Variants in TRMT13 observed in about 807,000 individuals in gnomAD.
The protein encoded by TRMT13 is tRNA methyltransferase 13.
A neutral mutation model predicts 55.9 loss-of-function variants in TRMT13; 45 were observed. The ratio of observed to expected loss-of-function variants is 0.80; its 90% CI spans 0.63 to 1.03. TRMT13 has a LOEUF of 1.03. TRMT13 is among the 50% of genes least tolerant of loss of function. The probability of loss-of-function intolerance (pLI) is 0.00; values close to 1 mark genes in which losing one functional copy is unlikely to be tolerated. For missense variants in TRMT13, 513 were observed against 563.9 expected (o/e 0.91, Z 0.91); for synonymous variants, 183 against 196.3 (o/e 0.93, Z 0.57).
intron 1 of TRMT13, 111 bp from the exon 2 acceptor site, chr1:100,136,770 TA>T: frequency 9.6e-7 from 1 of 1,037,742 alleles, no homozygotes; most frequent in South Asian, 1.8e-5. Flanking sequence ...TATGTCCTTG[TA>T]AGGTTTCCTT....
Position 100,149,468 on chromosome 1 carries a change from A to C in TRMT13, c.*648A>C, listed in dbSNP as rs1657734692. Reference sequence around the variant, plus strand: ...CAAAGAAAAAAGATTATTTCACTTAATTATTTTGTTGGATAATTGTCTAGT... The same window carrying C: ...CAAAGAAAAAAGATTATTTCACTTACTTATTTTGTTGGATAATTGTCTAGT... On this transcript the variant is annotated 3_prime_UTR_variant, in exon 11 of 11. Coordinates refer to ENST00000370141, the MANE Select transcript of TRMT13 (RefSeq NM_019083.3). 1 of 1,526,248 alleles carries C rather than the reference A, an allele frequency of 6.6e-7. No homozygotes were observed. Among genetic ancestry groups the C allele is most frequent in the Non-Finnish European group, 8.8e-7 (1 of 1,136,764 alleles). The allele number at this position is 1,526,248 out of a possible 1,614,324, so 94.5% of individuals were successfully genotyped here.
At position 100,148,637 on chromosome 1, in the gene TRMT13, T is replaced by G; in HGVS notation, c.1263T>G (p.Val421=). Residue 421 remains valine, a synonymous_variant, in exon 11 of 11, where the codon GTT becomes GTG. Coordinates refer to ENST00000370141, the MANE Select transcript of TRMT13 (RefSeq NM_019083.3). ...GADCLPGLLS[V]EEKKKIGHLC... The stretch of plus-strand genomic sequence containing the variant: ...TTATTCAATTTAGGCTTCTTAGTGT[T>G]GAAGAAAAGAAGAAAATAGGGCATC... 1 of 1,607,646 alleles carries G rather than the reference T, an allele frequency of 6.2e-7. No homozygotes were observed. The highest frequency in any genetic ancestry group is 8.5e-7 in the Non-Finnish European group (1 of 1,178,464).
Position 100,148,722 on chromosome 1 carries a change from C to T in TRMT13, c.1348C>T (p.Pro450Ser). The T allele has an allele frequency of 6.2e-7, 1 of 1,611,666 alleles. No individual in the cohort carries two copies. The highest frequency in any genetic ancestry group is 8.5e-7 in the Non-Finnish European group (1 of 1,178,260). Residue 450 changes from proline to serine, a missense_variant, in exon 11 of 11, where the codon CCT becomes TCT. Around this residue, in one of 3 missense-constraint regions of TRMT13, gnomAD observed 209 missense variants for 255.8 expected, o/e 0.82. Coordinates refer to ENST00000370141, the MANE Select transcript of TRMT13 (RefSeq NM_019083.3). ...GTATTTGCAGCAGAAGGGATTCAGT[C>T]CTGCTTTGCAGTACTATACAGACCC... The part of the protein sequence containing the change: ...IQYLQQKGFS[P>S]ALQYYTDPLV...
chr1:100,140,165 T>G lies in TRMT13; in HGVS notation c.325-17T>G, dbSNP rs761989673. The stretch of plus-strand genomic sequence containing the variant: ...GCAATTTTTGGCTACATTATTTAGT[T>G]TTATTTTTGTATATAGGTTCCAATT... On this transcript the variant is annotated splice_polypyrimidine_tract_variant and intron_variant, in intron 4 of 10. Coordinates refer to ENST00000370141, the MANE Select transcript of TRMT13 (RefSeq NM_019083.3). The G allele has an allele frequency of 5.1e-6, 8 of 1,581,482 alleles. No homozygotes were observed. In the Admixed American group the frequency reaches 1.4e-4, roughly 28 times the overall value.
At chr1:100,146,171 C>G (rs1172843810) in intron 9 of TRMT13, among the ~76,000 whole-genome samples, 1 of 152,208 alleles carries the variant, frequency 6.6e-6, no homozygotes, top group Non-Finnish European at 1.5e-5. Flanking sequence ...TCAGTTGTCA[C>G]CACTCTCAGG....
intron 10 of TRMT13, 93 bp downstream of exon 10, chr1:100,148,419 GTATTT>G: frequency 3.1e-6 from 4 of 1,307,544 alleles, no homozygotes; most frequent in Non-Finnish European, 4.2e-6. Context: ...TCATGAAAAT[GTATTT>G]TATAATCTAA....
chr1:100,143,123 T>A lies in TRMT13; in HGVS notation c.670-14T>A. The A allele has an allele frequency of 6.3e-7, 1 of 1,582,178 alleles. No individual in the cohort carries two copies. Among genetic ancestry groups the A allele is most frequent in the East Asian group, 2.2e-5 (1 of 44,574 alleles). ...GTAAGAAGTGATTATTACAATAATG[T>A]TCTGTTTGTGCAGGTGGATGGAAAA... On this transcript the variant is annotated splice_polypyrimidine_tract_variant and intron_variant, in intron 7 of 10. Transcript: ENST00000370141.
chr1:100,144,947 C>T (rs905664024), intron 9 of TRMT13, among the ~76,000 whole-genome samples: 2 of 152,174 alleles, frequency 1.3e-5, no homozygotes, highest in African/African-American at 4.8e-5. Context: ...TGTTGGCCTT[C>T]ATAGTTTTTA....
chr1:100,138,562 A>G (rs1482004680), intron 3 of TRMT13, among the ~76,000 whole-genome samples: 1 of 152,218 alleles, frequency 6.6e-6, no homozygotes, highest in African/African-American at 2.4e-5. Flanking sequence ...CATTCTGTCC[A>G]TATAGGTAAA....
chr1:100,140,131 T>A, intron 4 of TRMT13, 51 bp from the exon 5 acceptor site: 1 of 1,316,582 alleles, frequency 7.6e-7, no homozygotes, highest in Non-Finnish European at 1.1e-6. Flanking sequence ...TCTGTTATGC[T>A]ACTTTAAAGC....
chr1:100,137,211 A>T (rs1350226465), intron 3 of TRMT13, 126 bp downstream of exon 3: 48 of 748,842 alleles, frequency 6.4e-5, no homozygotes, highest in Non-Finnish European at 7.8e-5. Flanking sequence ...ATTTTTTTTT[A>T]AAGAGATAGG....
chr1:100,139,620 A>G (rs769314729), intron 3 of TRMT13, 29 bp from the exon 4 acceptor site: 1 of 1,365,340 alleles, frequency 7.3e-7, no homozygotes, highest in Non-Finnish European at 1.0e-6. Context: ...CATTATTAAC[A>G]GTTCTTTTAT....
intron 4 of TRMT13, 112 bp from the exon 5 acceptor site, chr1:100,140,070 A>G: frequency 5.9e-6 from 4 of 675,602 alleles, no homozygotes; most frequent in Non-Finnish European, 7.6e-6. Flanking sequence ...GATAGAGAGA[A>G]GAGCCTAAGC....
At position 100,144,131 on chromosome 1, in the gene TRMT13, G is replaced by C. The variant is rs774204008; in HGVS notation, c.805G>C (p.Gly269Arg). The change falls in exon 9 of 11, where the codon GGT becomes CGT. Residue 269 changes from glycine to arginine, a missense_variant. Physicochemically the swap from Gly to Arg is moderately radical, Grantham distance 125. Transcript: ENST00000370141. ...GGTAGGAATTGGAAAGCATCTGTGT[G>C]GTATGGCAACAGGTACGTAAACATA... ...PVVGIGKHLC[G>R]MATDLALRCL... 4 of 1,613,170 alleles carry C rather than the reference G, an allele frequency of 2.5e-6. No homozygotes were observed. The highest frequency in any genetic ancestry group is 3.4e-6 in the Non-Finnish European group (4 of 1,179,416).
rs146877147 is a variant in TRMT13 at position 100,140,945 on chromosome 1, T to G, written c.595T>G (p.Trp199Gly). The change falls in exon 7 of 11, where the codon TGG becomes GGG. Residue 199 changes from tryptophan (W) to glycine (G), a missense_variant. Coordinates refer to ENST00000370141, the MANE Select transcript of TRMT13 (RefSeq NM_019083.3). ...FGAGKGKLSH[W>G]VDIALKDAEK... ...AGCGGGAAAGGGAAAATTATCTCAT[T>G]GGGTTGATATTGCCTTAAAAGATGC... The G allele has an allele frequency of 6.2e-7, 1 of 1,613,726 alleles. No individual in the cohort carries two copies. Among genetic ancestry groups the G allele is most frequent in the African/African-American group, 1.3e-5 (1 of 74,914 alleles).
intron 1 of TRMT13, 35 bp from the exon 2 acceptor site, chr1:100,136,847 T>A: frequency 6.6e-7 from 1 of 1,507,948 alleles, no homozygotes; most frequent in Non-Finnish European, 9.0e-7. Context: ...AAACTTGATA[T>A]TTTATTTAAA....
In TRMT13 at chr1:100,148,976, T is replaced by G; in HGVS notation, c.*156T>G. On this transcript the variant is annotated 3_prime_UTR_variant, in exon 11 of 11. Coordinates refer to ENST00000370141, the MANE Select transcript of TRMT13 (RefSeq NM_019083.3). ...CTTTGGTAATAGCTTTTCTTTTTACTTCAGAAATCCAAACATTAGAGAATT... is the reference window on the plus strand; with the variant it reads ...CTTTGGTAATAGCTTTTCTTTTTACGTCAGAAATCCAAACATTAGAGAATT... 3 of 1,391,444 alleles carry G rather than the reference T, an allele frequency of 2.2e-6. No homozygotes were observed. The highest frequency in any genetic ancestry group is 2.9e-6 in the Non-Finnish European group (3 of 1,046,722). The allele number at this position is 1,391,444 out of a possible 1,614,324, so 86.2% of individuals were successfully genotyped here.
intron 8 of TRMT13, among the ~76,000 whole-genome samples, chr1:100,143,867 A>T (rs1656914052): frequency 6.6e-6 from 1 of 152,218 alleles, no homozygotes; most frequent in South Asian, 2.1e-4. Context: ...ATTTAAAATT[A>T]TTTAGCTGAA....
chr1:100,141,587 C>A (rs568598320), intron 7 of TRMT13, among the ~76,000 whole-genome samples: 1 of 152,286 alleles, frequency 6.6e-6, no homozygotes, highest in East Asian at 1.9e-4. Context: ...CCACCTTACC[C>A]TTCCAAAGTG....
Sources: allele counts gnomAD v4.1 joint callset (sites outside exome capture counted in the v4.1 genomes callset), GRCh38; gene constraint gnomAD v4.1.1; regional missense constraint gnomAD v4.1.1; transcripts MANE v1.5; gene names NCBI Gene and HGNC (gene_info 2026-07-23, HGNC 2026-07-21).